The following SLC7A14 variants were observed in gnomAD, a reference collection of about 807,000 sequenced individuals.
SLC7A14 encodes gamma-aminobutyric acid transporter SLC7A14.
Under a neutral mutation model 60.2 loss-of-function variants are expected in SLC7A14, and 37 were observed. The observed-to-expected ratio is 0.61, with a 90% CI of 0.47 to 0.81. The LOEUF (loss-of-function observed/expected upper bound fraction) is 0.81. SLC7A14 is among the 30% of genes least tolerant of loss of function. SLC7A14 has a pLI of 0.00. For missense variants in SLC7A14, 886 were observed against 982.7 expected, an observed-to-expected ratio of 0.90 and a Z score of 1.32; for synonymous variants, 399 against 395.8, an observed-to-expected ratio of 1.01 and a Z score of -0.10.
intron 2 of SLC7A14, among the ~76,000 whole-genome samples, chr3:170,521,625 T>C (rs1713340905): frequency 1.3e-5 from 2 of 152,300 alleles, no homozygotes; most frequent in Non-Finnish European, 2.9e-5. Context: ...AAGAACCTAA[T>C]TACAAAATGG....
In SLC7A14 at chr3:170,557,372, G is replaced by C. The variant is rs148531464; in HGVS notation, c.-153+28539C>G. Among the ~76,000 whole-genome samples, 345 of 152,196 alleles carry C rather than the reference G, an allele frequency of 2.3e-3. 1 individual carries two copies. The highest frequency in any genetic ancestry group is 7.9e-3 in the African/African-American group (328 of 41,510). On this transcript the variant is annotated intron_variant, in intron 1 of 7. Coordinates refer to ENST00000231706, the MANE Select transcript of SLC7A14 (RefSeq NM_020949.3). Reference sequence around the variant, plus strand: ...GAAAGCAAGGTGGGAAATCGGAGTTGTCCAATTTTGTTACCTAGAGAGGTT... The same window carrying C: ...GAAAGCAAGGTGGGAAATCGGAGTTCTCCAATTTTGTTACCTAGAGAGGTT...
chr3:170,472,843 A>T (rs1739958672), intron 7 of SLC7A14, among the ~76,000 whole-genome samples: 1 of 152,176 alleles, frequency 6.6e-6, no homozygotes, highest in African/African-American at 2.4e-5. Flanking sequence ...TTTTCTAGAC[A>T]GAAGTTCCCC....
chr3:170,583,918 A>G (rs1715304828), intron 1 of SLC7A14, among the ~76,000 whole-genome samples: 1 of 152,222 alleles, frequency 6.6e-6, no homozygotes, highest in East Asian at 1.9e-4. Flanking sequence ...AGAGAAGAGC[A>G]GGCCTCCCTC....
chr3:170,520,796 GA>G (rs1713318685), intron 2 of SLC7A14, among the ~76,000 whole-genome samples: 1 of 152,094 alleles, frequency 6.6e-6, no homozygotes. Flanking sequence ...TATAAATTTA[GA>G]AAAAAAGTTT....
At chr3:170,495,845 C>T (rs1560257705) in intron 4 of SLC7A14, 4 of 1,158,090 alleles carry the variant, frequency 3.5e-6, no homozygotes, top group Non-Finnish European at 5.2e-6. Context: ...CTCGGATCAA[C>T]GTATTTGAGA....
At chr3:170,512,057 G>T (rs545473611) in intron 2 of SLC7A14, among the ~76,000 whole-genome samples, 1 of 152,266 alleles carries the variant, frequency 6.6e-6, no homozygotes, top group African/African-American at 2.4e-5. Context: ...TCTCCTACCC[G>T]AATATTTCTC....
At chr3:170,496,452 C>A in intron 4 of SLC7A14, 1 of 1,266,378 alleles carries the variant, frequency 7.9e-7, no homozygotes, top group Non-Finnish European at 1.2e-6. Context: ...TACCGAGCAG[C>A]GTGGGGAGCT....
At position 170,498,806 on chromosome 3, in the gene SLC7A14, AC is replaced by A. The variant is rs1288462880; in HGVS notation, c.619del (p.Val207Ter). 6.2e-7 allele frequency: 1 copy of A among 1,614,068 alleles called. No individual in the cohort carries two copies. Among genetic ancestry groups the A allele is most frequent in the East Asian group, 2.2e-5 (1 of 44,884 alleles). On this transcript the variant is annotated frameshift_variant, in exon 4 of 8. Transcript: ENST00000231706. LOFTEE classifies it high-confidence loss of function. ...VIVTIIVALGVKNSIGFNNVL... is the reference protein window; with the variant it reads ...VIVTIIVALGXKNSIGFNNVL... ...ATTGTTGAAGCCTATGGAATTCTTC[AC>A]CCCCAGAGCAACAATGATGGTCACG...
chr3:170,505,617 GGC>G lies in SLC7A14; in HGVS notation c.305-4274_305-4273del, dbSNP rs764812597. On this transcript the variant is annotated intron_variant, in intron 2 of 7. Transcript: ENST00000231706. ...TGAGAGATCAATGGCCGGGCGCGGTGGCTCATGCCTGTAATCCCAGAACTTTG... is the reference window on the plus strand; with the variant it reads ...TGAGAGATCAATGGCCGGGCGCGGTGTCATGCCTGTAATCCCAGAACTTTG... Among the ~76,000 whole-genome samples the G allele has an allele frequency of 4.5e-4, 68 of 152,282 alleles. 1 individual carries two copies. Among genetic ancestry groups the G allele is most frequent in the African/African-American group, 1.0e-3 (42 of 41,570 alleles).
At chr3:170,480,263 T>C in intron 7 of SLC7A14, 26 bp downstream of exon 7, 1 of 1,516,624 alleles carries the variant, frequency 6.6e-7, no homozygotes. Flanking sequence ...AAGGGAACTC[T>C]TAAGGCTCCA....
At chr3:170,544,566 A>G (rs1714122722) in intron 1 of SLC7A14, among the ~76,000 whole-genome samples, 2 of 152,228 alleles carry the variant, frequency 1.3e-5, no homozygotes, top group Admixed American at 6.5e-5. Flanking sequence ...TGATAAACCC[A>G]TCATAAGTTT....
In SLC7A14 at chr3:170,480,613, G is replaced by C. The variant is rs751564252; in HGVS notation, c.1669C>G (p.Pro557Ala). 3 of 1,614,250 alleles carry C rather than the reference G, an allele frequency of 1.9e-6. No homozygotes were observed. The highest frequency in any genetic ancestry group is 2.5e-6 in the Non-Finnish European group (3 of 1,180,046). ...RLGLPGKMDRPTAATGHTVTI... is the reference protein window; with the variant it reads ...RLGLPGKMDRATAATGHTVTI... Reference sequence around the variant, plus strand: ...ACCGTGTGCCCCGTCGCTGCTGTGGGCCGGTCCATTTTGCCTGGAAGGCCC... The same window carrying C: ...ACCGTGTGCCCCGTCGCTGCTGTGGCCCGGTCCATTTTGCCTGGAAGGCCC... Residue 557 changes from proline (P) to alanine (A), a missense_variant, in exon 7 of 8, where the codon CCC becomes GCC. Physicochemically the swap from Pro to Ala is conservative, Grantham distance 27. Transcript: ENST00000231706.
At chr3:170,555,108 C>G (rs1004918727) in intron 1 of SLC7A14, among the ~76,000 whole-genome samples, 1 of 151,632 alleles carries the variant, frequency 6.6e-6, no homozygotes, top group African/African-American at 2.4e-5. Flanking sequence ...GCGGAGGTTG[C>G]AGTGAGCCAA....
intron 1 of SLC7A14, among the ~76,000 whole-genome samples, chr3:170,529,963 C>A (rs981883502): frequency 1.4e-4 from 21 of 152,144 alleles, no homozygotes; most frequent in African/African-American, 4.8e-4. Context: ...CTCTAAGAAG[C>A]CAACCCTGCT....
chr3:170,582,195 T>G (rs62294670), intron 1 of SLC7A14, among the ~76,000 whole-genome samples: 52,232 of 151,694 alleles, frequency 0.34, 9,168 homozygotes, highest in East Asian at 0.47. Context: ...GGCTTTTTCT[T>G]TCTTTCTTGG....
Position 170,462,500 on chromosome 3 carries a change from A to G in SLC7A14, c.*4555T>C, listed in dbSNP as rs1739627972. The G allele has an allele frequency of 6.6e-6, 1 of 152,214 alleles. No homozygotes were observed. The highest frequency in any genetic ancestry group is 2.4e-5 in the African/African-American group (1 of 41,450). The allele number at this position is 152,214 out of a possible 1,614,324, so 9.4% of individuals were successfully genotyped here. A position where few individuals can be genotyped will look rare whatever the true frequency, so the allele number is the denominator to read the frequency against. ...GAAGAAGGATGGATTGTTAAATTCA[A>G]CAACTCCCTTCCGCCCGCCATTTAT... On this transcript the variant is annotated 3_prime_UTR_variant, in exon 8 of 8. Transcript: ENST00000231706.
At chr3:170,520,598 A>G (rs563384438) in intron 2 of SLC7A14, among the ~76,000 whole-genome samples, 1 of 152,318 alleles carries the variant, frequency 6.6e-6, no homozygotes, top group East Asian at 1.9e-4. Flanking sequence ...AGTAGATGAC[A>G]AAAATTGTAA....
At chr3:170,515,372 G>A (rs1713124642) in intron 2 of SLC7A14, among the ~76,000 whole-genome samples, 1 of 151,564 alleles carries the variant, frequency 6.6e-6, no homozygotes, top group Non-Finnish European at 1.5e-5. Flanking sequence ...TGGAAAGGTT[G>A]TAATGTATAA....
chr3:170,562,904 G>T (rs1714692932), intron 1 of SLC7A14, among the ~76,000 whole-genome samples: 1 of 151,970 alleles, frequency 6.6e-6, no homozygotes, highest in Non-Finnish European at 1.5e-5. Context: ...GGGATTACAG[G>T]TGCACACTAC....
Sources: allele counts gnomAD v4.1 joint callset (sites outside exome capture counted in the v4.1 genomes callset), GRCh38; gene constraint gnomAD v4.1.1; transcripts MANE v1.5; gene names NCBI Gene and HGNC (gene_info 2026-07-23, HGNC 2026-07-21).